Variants in BCAT1 observed in about 807,000 individuals in gnomAD.
The protein encoded by BCAT1 is branched chain amino acid transaminase 1, also known as branched-chain-amino-acid aminotransferase, cytosolic.
BCAT1 carries 48 observed loss-of-function variants against 52.4 expected under a neutral mutation model. That is an observed-to-expected ratio of 0.92 (90% CI 0.73 to 1.16). The LOEUF is 1.16. BCAT1 is among the 50% of genes most tolerant of loss of function. The pLI is 0.00. For synonymous variants in BCAT1, 167 were observed against 161.3 expected, an observed-to-expected ratio of 1.04 and a Z score of -0.27; for missense variants, 451 against 457.1, an observed-to-expected ratio of 0.99 and a Z score of 0.12.
Position 24,832,735 on chromosome 12 carries a change from C to T in BCAT1, c.1032G>A (p.Leu344=), listed in dbSNP as rs568168618. The change falls in exon 9 of 11, where the codon CTG becomes CTA. Residue 344 remains leucine (L), a synonymous_variant. Transcript: ENST00000261192. ...ACVVCPVSDI[L]YKGETIHIPT... The stretch of plus-strand genomic sequence containing the variant: ...ATACTTGTCGTACCTCGCCTTTGTA[C>T]AGTATATCAGAAACTGGGCAAACAA... 282 of 1,610,282 alleles carry T rather than the reference C, an allele frequency of 1.8e-4. 2 individuals carry two copies. In the South Asian group the frequency reaches 2.8e-3, roughly 16 times the overall value.
chr12:24,825,147 A>G lies in BCAT1; in HGVS notation c.1119+4676T>C, dbSNP rs948453754. 1.4e-3 allele frequency among the ~76,000 whole-genome samples: 213 copies of G among 151,834 alleles called. 12 individuals are homozygous for G. Among genetic ancestry groups the G allele is most frequent in the East Asian group, 0.011 (59 of 5,158 alleles). Reference sequence around the variant, plus strand: ...TGTGTGTGTGTGTGTATATATATATATATATATATCTTTATGCCACATTCT... The same window carrying G: ...TGTGTGTGTGTGTGTATATATATATGTATATATATCTTTATGCCACATTCT... On this transcript the variant is annotated intron_variant, in intron 10 of 10. Coordinates refer to ENST00000261192, the MANE Select transcript of BCAT1 (RefSeq NM_005504.7).
chr12:24,824,729 G>T (rs1940312268), intron 10 of BCAT1, among the ~76,000 whole-genome samples: 1 of 151,954 alleles, frequency 6.6e-6, no homozygotes, highest in Non-Finnish European at 1.5e-5. Context: ...TTCCAAAAGG[G>T]TCTTTCTTTC....
chr12:24,895,595 T>C (rs1353729372), intron 2 of BCAT1, among the ~76,000 whole-genome samples: 2 of 151,916 alleles, frequency 1.3e-5, no homozygotes, highest in African/African-American at 4.8e-5. Context: ...AAGGAACTTT[T>C]TGATCAGTTA....
At chr12:24,852,694 C>G (rs1941552048) in intron 5 of BCAT1, among the ~76,000 whole-genome samples, 1 of 152,186 alleles carries the variant, frequency 6.6e-6, no homozygotes, top group South Asian at 2.1e-4. Context: ...TGATAAACCT[C>G]TAAGTAATAT....
At chr12:24,867,334 T>A (rs1214903150) in intron 5 of BCAT1, among the ~76,000 whole-genome samples, 1 of 123,712 alleles carries the variant, frequency 8.1e-6, no homozygotes, top group African/African-American at 3.3e-5. Flanking sequence ...GACTCGAAAA[T>A]ATCTTTTTTT....
intron 5 of BCAT1, among the ~76,000 whole-genome samples, chr12:24,863,179 G>A (rs138453244): frequency 2.0e-5 from 3 of 152,304 alleles, no homozygotes; most frequent in African/African-American, 4.8e-5. Flanking sequence ...AAGTGGAAAA[G>A]ACTAAAAGAA....
rs1240571207 is a variant in BCAT1, at chr12:24,813,546, T to G, written c.*4462A>C. The G allele has an allele frequency of 6.6e-6, 1 of 152,054 alleles. No homozygotes were observed. Among genetic ancestry groups the G allele is most frequent in the Non-Finnish European group, 1.5e-5 (1 of 67,900 alleles). The allele number at this position is 152,054 out of a possible 1,614,324, so 9.4% of individuals were successfully genotyped here. A position where few individuals can be genotyped will look rare whatever the true frequency, so the allele number is the denominator to read the frequency against. On this transcript the variant is annotated 3_prime_UTR_variant, in exon 11 of 11. Transcript: ENST00000261192. Reference sequence around the variant, plus strand: ...TCAGCAAGGATGCTGTAATCTGTGGTGTTAATTTATTAGGTGCACCATGAT... The same window carrying G: ...TCAGCAAGGATGCTGTAATCTGTGGGGTTAATTTATTAGGTGCACCATGAT...
At chr12:24,866,346 A>G (rs1942007586) in intron 5 of BCAT1, among the ~76,000 whole-genome samples, 1 of 152,134 alleles carries the variant, frequency 6.6e-6, no homozygotes, top group East Asian at 1.9e-4. Context: ...AGGGCTCGGG[A>G]CCTGCAGCCT....
At chr12:24,877,229 T>A (rs1942373400) in intron 5 of BCAT1, among the ~76,000 whole-genome samples, 1 of 152,204 alleles carries the variant, frequency 6.6e-6, no homozygotes, top group South Asian at 2.1e-4. Flanking sequence ...GAGAACAGAA[T>A]GGCTAGGCTA....
At position 24,878,529 on chromosome 12, in the gene BCAT1, C is replaced by T; in HGVS notation, c.510+1G>A. The T allele has an allele frequency of 1.2e-6, 2 of 1,604,354 alleles. No homozygotes were observed. The highest frequency in any genetic ancestry group is 1.7e-6 in the Non-Finnish European group (2 of 1,176,462). On this transcript the variant is annotated splice_donor_variant, in intron 5 of 10. Transcript: ENST00000261192. LOFTEE classifies it high-confidence loss of function. The stretch of plus-strand genomic sequence containing the variant: ...CCCCAAAATAAAGAGTCAGTTTGCA[C>T]CTCAGTTCCAATGAATGTAGGACGA...
At chr12:24,923,857 A>G (rs1943538908) in intron 1 of BCAT1, among the ~76,000 whole-genome samples, 1 of 152,250 alleles carries the variant, frequency 6.6e-6, no homozygotes, top group Non-Finnish European at 1.5e-5. Context: ...CAATTAACAA[A>G]TATCAGAGTG....
rs1310569220 is a variant in BCAT1, at chr12:24,811,120, G to A, written c.*6888C>T. Reference sequence around the variant, plus strand: ...ATAAATCCATAACCAGGGGAAGGAAGAATTTTTAAATGCCCATTTTTTTCT... The same window carrying A: ...ATAAATCCATAACCAGGGGAAGGAAAAATTTTTAAATGCCCATTTTTTTCT... On this transcript the variant is annotated 3_prime_UTR_variant, in exon 11 of 11. Transcript: ENST00000261192. 6.6e-6 allele frequency: 1 copy of A among 152,128 alleles called. No homozygotes were observed. The highest frequency in any genetic ancestry group is 2.4e-5 in the African/African-American group (1 of 41,432). The allele number at this position is 152,128 out of a possible 1,614,324, so 9.4% of individuals were successfully genotyped here. A position where few individuals can be genotyped will look rare whatever the true frequency, so the allele number is the denominator to read the frequency against.
Position 24,881,230 on chromosome 12 carries a change from T to C in BCAT1, c.390+71A>G, listed in dbSNP as rs944634682. The C allele has an allele frequency of 7.4e-6, 8 of 1,081,194 alleles. No individual in the cohort carries two copies. In the East Asian group the frequency reaches 1.9e-4, roughly 26 times the overall value. 67.0% of individuals were successfully genotyped at this position (1,081,194 alleles called of 1,614,324 possible). On this transcript the variant is annotated intron_variant, in intron 4 of 10. Transcript: ENST00000261192. The stretch of plus-strand genomic sequence containing the variant: ...TATTTATCTAACTATTCAGAAATTA[T>C]TTATTTGGTGGTCAACACCGTGACC...
chr12:24,929,191 A>G (rs1262652341), intron 1 of BCAT1, among the ~76,000 whole-genome samples: 1 of 152,256 alleles, frequency 6.6e-6, no homozygotes, highest in Non-Finnish European at 1.5e-5. Flanking sequence ...CTCTCTCTCT[A>G]TAAACAATCC....
chr12:24,924,142 G>T (rs1017601971), intron 1 of BCAT1, among the ~76,000 whole-genome samples: 1 of 151,974 alleles, frequency 6.6e-6, no homozygotes, highest in African/African-American at 2.4e-5. Flanking sequence ...TCTAGAGTGA[G>T]AAGACCATAA....
intron 1 of BCAT1, among the ~76,000 whole-genome samples, chr12:24,942,430 G>A (rs1344841724): frequency 6.6e-6 from 1 of 151,908 alleles, no homozygotes; most frequent in Non-Finnish European, 1.5e-5. Context: ...TGTAATCCCA[G>A]CTACTCAGGA....
chr12:24,947,162 TCCCTCCA>T (rs1414218059), intron 1 of BCAT1, among the ~76,000 whole-genome samples: 1 of 111,148 alleles, frequency 9.0e-6, no homozygotes, highest in Non-Finnish European at 1.8e-5. Flanking sequence ...CCTCCCGTCT[TCCCTCCA>T]CACACACACA....
chr12:24,949,053 T>TGGGGCAGTGCCC lies in BCAT1; in HGVS notation c.-133_-122dup, dbSNP rs1303021748. 3 of 1,014,196 alleles carry TGGGGCAGTGCCC rather than the reference T, an allele frequency of 3.0e-6. No individual in the cohort carries two copies. The highest frequency in any genetic ancestry group is 4.4e-6 in the Non-Finnish European group (3 of 682,070). The allele number at this position is 1,014,196 out of a possible 1,614,324, so 62.8% of individuals were successfully genotyped here. A position where few individuals can be genotyped will look rare whatever the true frequency, so the allele number is the denominator to read the frequency against. On this transcript the variant is annotated 5_prime_UTR_variant, in exon 1 of 11. Coordinates refer to ENST00000261192, the MANE Select transcript of BCAT1 (RefSeq NM_005504.7). Reference sequence around the variant, plus strand: ...GCGCGGTCCCGGCTGCAGCAAGACCTGGGGCAGTGCCCGAGGCGGCGGCGA... The same window carrying TGGGGCAGTGCCC: ...GCGCGGTCCCGGCTGCAGCAAGACCTGGGGCAGTGCCCGGGGCAGTGCCCGAGGCGGCGGCGA...
rs1314031526 is a variant in BCAT1, at chr12:24,849,725, G to A, written c.674+61C>T. 4.4e-5 allele frequency: 65 copies of A among 1,491,962 alleles called. No homozygotes were observed. In the Admixed American group the frequency reaches 1.3e-3, roughly 29 times the overall value. The allele number at this position is 1,491,962 out of a possible 1,614,324, so 92.4% of individuals were successfully genotyped here. A position where few individuals can be genotyped will look rare whatever the true frequency, so the allele number is the denominator to read the frequency against. On this transcript the variant is annotated intron_variant, in intron 6 of 10. Transcript: ENST00000261192. ...ATATGTGTTCATACTGAAGTGAAAT[G>A]GCACTAACTAAATGGTCATGAAGGT... is the stretch of plus-strand genomic sequence containing the variant.
Sources: gnomAD v4.1 joint callset for allele counts (sites outside exome capture counted in the v4.1 genomes callset) on GRCh38, gnomAD v4.1.1 for gene constraint, MANE v1.5 for transcripts, NCBI Gene and HGNC (gene_info 2026-07-23, HGNC 2026-07-21) for gene names.